Variants in SMAD3 observed in about 807,000 individuals in gnomAD.
The protein encoded by SMAD3 is MAD homolog 3.
A neutral mutation model predicts 51.8 loss-of-function variants in SMAD3; 12 were observed. That is an observed-to-expected ratio of 0.23 (90% CI 0.15 to 0.38). SMAD3 has a LOEUF of 0.38. Ranked by LOEUF, SMAD3 falls within the 10% of genes least tolerant of loss-of-function variation. The pLI is 1.00. For synonymous variants in SMAD3, 238 were observed against 227.7 expected, an observed-to-expected ratio of 1.05 and a Z score of -0.41; for missense variants, 294 against 565.6, an observed-to-expected ratio of 0.52 and a Z score of 4.87.
At chr15:67,142,670 G>A (rs949311067) in intron 1 of SMAD3, 7 of 300,328 alleles carry the variant, frequency 2.3e-5, no homozygotes, top group African/African-American at 1.3e-4. Flanking sequence ...TAGACTAGAG[G>A]CGTCCAGAGG....
rs1419394289 is a variant in SMAD3, at chr15:67,193,708, A to G, written c.*3172A>G. ...GTCTGTGTTGTATTTTTTTTTTTTTATTGACCATGGTGATTATTTTTTTAA... is the reference window on the plus strand; with the variant it reads ...GTCTGTGTTGTATTTTTTTTTTTTTGTTGACCATGGTGATTATTTTTTTAA... On this transcript the variant is annotated 3_prime_UTR_variant, in exon 9 of 9. Transcript: ENST00000327367. 9 of 226,434 alleles carry G rather than the reference A, an allele frequency of 4.0e-5. No individual in the cohort carries two copies. The highest frequency in any genetic ancestry group is 7.0e-5 in the Non-Finnish European group (8 of 114,926). The allele number at this position is 226,434 out of a possible 1,614,324, so 14.0% of individuals were successfully genotyped here.
At chr15:67,088,625 C>T (rs945764458) in intron 1 of SMAD3, among the ~76,000 whole-genome samples, 11 of 152,046 alleles carry the variant, frequency 7.2e-5, no homozygotes, top group Non-Finnish European at 1.5e-4. Flanking sequence ...GGCAGCTGCT[C>T]TAGGGTGGGA....
chr15:67,079,281 C>T (rs895129818), intron 1 of SMAD3, among the ~76,000 whole-genome samples: 12 of 152,010 alleles, frequency 7.9e-5, no homozygotes, highest in East Asian at 1.9e-4. Context: ...CCTCGCCCCC[C>T]GCATATTATT....
At chr15:67,068,969 GT>G (rs1280159245) in intron 1 of SMAD3, among the ~76,000 whole-genome samples, 1 of 151,740 alleles carries the variant, frequency 6.6e-6, no homozygotes, top group East Asian at 1.9e-4. Flanking sequence ...CCCCCTGTGT[GT>G]GGGGGGTTGG....
chr15:67,162,450 C>G (rs1039486677), intron 1 of SMAD3, among the ~76,000 whole-genome samples: 14 of 152,216 alleles, frequency 9.2e-5, no homozygotes, highest in African/African-American at 3.4e-4. Context: ...CCACTTCTAT[C>G]CCTGCTACCC....
intron 1 of SMAD3, among the ~76,000 whole-genome samples, chr15:67,135,419 G>A (rs1012529627): frequency 5.9e-5 from 9 of 152,196 alleles, no homozygotes; most frequent in African/African-American, 2.2e-4. Context: ...ACAGAAAGGG[G>A]TCAAAACACC....
intron 8 of SMAD3, among the ~76,000 whole-genome samples, chr15:67,190,179 CTT>C (rs1203870391): frequency 6.6e-6 from 1 of 152,148 alleles, no homozygotes; most frequent in Non-Finnish European, 1.5e-5. Context: ...ATGTTTAACT[CTT>C]TAAAGTCGAC....
intron 1 of SMAD3, among the ~76,000 whole-genome samples, chr15:67,131,826 C>T (rs984797388): frequency 2.0e-5 from 3 of 152,186 alleles, no homozygotes; most frequent in Non-Finnish European, 4.4e-5. Context: ...GCCAGTCCAT[C>T]CTCTTCTGCA....
At chr15:67,138,007 G>T (rs879090751) in intron 1 of SMAD3, 1 of 1,543,640 alleles carries the variant, frequency 6.5e-7, no homozygotes, top group South Asian at 1.2e-5. Flanking sequence ...CCGTCCCTGT[G>T]ACCTCCCAAC....
At position 67,080,031 on chromosome 15, in the gene SMAD3, C is replaced by G. The variant is rs549249501; in HGVS notation, c.206+13671C>G. 3.3e-5 allele frequency among the ~76,000 whole-genome samples: 5 copies of G among 152,242 alleles called. No homozygotes were observed. The East Asian group carries it at 9.6e-4, about 29-fold the overall frequency. ...GGATGTTTCCAAGAGTGAAAAGGGG[C>G]AGCATTATTAATTATGGCCACTATT... On this transcript the variant is annotated intron_variant, in intron 1 of 8. Transcript: ENST00000327367.
chr15:67,080,739 A>G (rs897601819), intron 1 of SMAD3, among the ~76,000 whole-genome samples: 1 of 152,230 alleles, frequency 6.6e-6, no homozygotes, highest in Non-Finnish European at 1.5e-5. Flanking sequence ...TGGTCAGTGC[A>G]TGGAATGTGC....
chr15:67,097,396 TTTG>T (rs1437908267), intron 1 of SMAD3, among the ~76,000 whole-genome samples: 1 of 150,772 alleles, frequency 6.6e-6, no homozygotes, highest in Non-Finnish European at 1.5e-5. Context: ...TCATGTTTTT[TTTG>T]TTGTTGTTTT....
intron 1 of SMAD3, among the ~76,000 whole-genome samples, chr15:67,077,353 A>C (rs970658670): frequency 1.3e-5 from 2 of 152,202 alleles, no homozygotes; most frequent in African/African-American, 4.8e-5. Context: ...AGATGTTCAC[A>C]GGAATTGATT....
At chr15:67,163,944 T>TAAAAAAA (rs57803788) in intron 1 of SMAD3, among the ~76,000 whole-genome samples, 12 of 87,846 alleles carry the variant, frequency 1.4e-4, no homozygotes, top group Middle Eastern at 9.8e-3. Flanking sequence ...GTATCAAAAG[T>TAAAAAAA]AAAAAAAAAA....
At chr15:67,187,581 T>G in intron 8 of SMAD3, 72 bp downstream of exon 8, 2 of 1,572,812 alleles carry the variant, frequency 1.3e-6, no homozygotes, top group Non-Finnish European at 1.8e-6. Flanking sequence ...CAGGCAGGGC[T>G]CCTCAGAGAT....
chr15:67,188,148 CTTTTTTTT>C (rs11367565), intron 8 of SMAD3, among the ~76,000 whole-genome samples: 24 of 115,998 alleles, frequency 2.1e-4, no homozygotes, highest in African/African-American at 6.6e-4. Context: ...TTTTCTTTTT[CTTTTTTTT>C]TTTTTTTTTT....
chr15:67,165,625 C>T (rs1385181494), intron 3 of SMAD3, among the ~76,000 whole-genome samples: 5 of 152,248 alleles, frequency 3.3e-5, no homozygotes, highest in South Asian at 2.1e-4. Flanking sequence ...GTGACCCTTC[C>T]GCCCGGCCTT....
At chr15:67,074,118 G>C (rs1960116018) in intron 1 of SMAD3, among the ~76,000 whole-genome samples, 1 of 152,208 alleles carries the variant, frequency 6.6e-6, no homozygotes, top group Non-Finnish European at 1.5e-5. Flanking sequence ...TTGTAATTCA[G>C]CCTTTAATTT....
At chr15:67,086,701 G>C (rs754785052) in intron 1 of SMAD3, among the ~76,000 whole-genome samples, 1 of 152,084 alleles carries the variant, frequency 6.6e-6, no homozygotes, top group Non-Finnish European at 1.5e-5. Flanking sequence ...CTTAGAAATG[G>C]AAAATATAGT....
Sources: allele counts gnomAD v4.1 joint callset (sites outside exome capture counted in the v4.1 genomes callset), GRCh38; gene constraint gnomAD v4.1.1; transcripts MANE v1.5; gene names NCBI Gene and HGNC (gene_info 2026-07-23, HGNC 2026-07-21).